Variants in SMG6 observed in about 807,000 individuals in gnomAD.
The protein encoded by SMG6 is telomerase-binding protein EST1A.
A neutral mutation model predicts 142.2 loss-of-function variants in SMG6; 66 were observed. That is an observed-to-expected ratio of 0.46 (90% CI 0.38 to 0.57). The LOEUF is 0.57. Ranked by LOEUF, SMG6 falls within the 20% of genes least tolerant of loss-of-function variation. The pLI, the probability that SMG6 is intolerant of heterozygous loss-of-function variation, is 0.00. For synonymous variants in SMG6, 779 were observed against 702.4 expected, an observed-to-expected ratio of 1.11 and a Z score of -1.72; for missense variants, 1,793 against 1,832.0, an observed-to-expected ratio of 0.98 and a Z score of 0.39.
At chr17:2,154,570 C>T (rs2070944232) in intron 13 of SMG6, among the ~76,000 whole-genome samples, 1 of 152,112 alleles carries the variant, frequency 6.6e-6, no homozygotes, top group South Asian at 2.1e-4. Context: ...CTTTACATGT[C>T]CTGTTTCACT....
chr17:2,253,242 C>T (rs957812262), intron 8 of SMG6, among the ~76,000 whole-genome samples: 47 of 151,964 alleles, frequency 3.1e-4, no homozygotes, highest in African/African-American at 1.1e-3. Flanking sequence ...CCCGGGTTCA[C>T]GCCATTCTCC....
intron 1 of SMG6, 116 bp downstream of exon 1, chr17:2,303,517 G>A (rs966865318): frequency 1.2e-5 from 16 of 1,334,498 alleles, no homozygotes; most frequent in Non-Finnish European, 1.5e-5. Context: ...AGCGCCTACT[G>A]CTGGGGGAAG....
intron 13 of SMG6, among the ~76,000 whole-genome samples, chr17:2,135,602 T>C (rs995063661): frequency 6.6e-6 from 1 of 152,220 alleles, no homozygotes; most frequent in South Asian, 2.1e-4. Flanking sequence ...CAGTACCCAT[T>C]AGTCTCATGT....
chr17:2,292,523 A>T (rs1432154903), intron 6 of SMG6, 29 bp downstream of exon 6: 2 of 1,606,360 alleles, frequency 1.2e-6, no homozygotes, highest in Non-Finnish European at 8.5e-7. Flanking sequence ...CCTGCAAAGC[A>T]CTTTTCCCCT....
intron 13 of SMG6, among the ~76,000 whole-genome samples, chr17:2,090,698 AGCTTGCTACT>A (rs2068692809): frequency 6.6e-6 from 1 of 152,250 alleles, no homozygotes; most frequent in South Asian, 2.1e-4. Flanking sequence ...TTAACAGTCC[AGCTTGCTACT>A]GCTCCTCTGG....
chr17:2,282,501 G>C, intron 8 of SMG6, 146 bp downstream of exon 8: 1 of 708,678 alleles, frequency 1.4e-6, no homozygotes, highest in Non-Finnish European at 2.5e-6. Context: ...AAGCGTACAT[G>C]AGAAGGGAAA....
intron 12 of SMG6, among the ~76,000 whole-genome samples, chr17:2,180,118 G>A (rs942558078): frequency 6.6e-6 from 1 of 152,204 alleles, no homozygotes; most frequent in African/African-American, 2.4e-5. Flanking sequence ...CATGAAGCCT[G>A]TCGCTCTACT....
At chr17:2,153,180 A>G (rs1022932770) in intron 13 of SMG6, among the ~76,000 whole-genome samples, 1 of 152,234 alleles carries the variant, frequency 6.6e-6, no homozygotes, top group Admixed American at 6.5e-5. Context: ...ACTTTTTTTT[A>G]AAGCTTATTA....
At chr17:2,124,322 G>C (rs1597426063) in intron 13 of SMG6, among the ~76,000 whole-genome samples, 2 of 152,360 alleles carry the variant, frequency 1.3e-5, no homozygotes, top group African/African-American at 2.4e-5. Context: ...CAGTAAGGTA[G>C]AGAAATCAGT....
At chr17:2,108,453 C>G (rs946274833) in intron 13 of SMG6, among the ~76,000 whole-genome samples, 1 of 152,138 alleles carries the variant, frequency 6.6e-6, no homozygotes, top group Non-Finnish European at 1.5e-5. Flanking sequence ...CCTGTCTCTA[C>G]TAAAAATACA....
At chr17:2,088,073 T>C in intron 13 of SMG6, 1 of 985,408 alleles carries the variant, frequency 1.0e-6, no homozygotes, top group African/African-American at 1.7e-5. Context: ...AGCTTGCAAT[T>C]GTCCTTGGCC....
intron 13 of SMG6, among the ~76,000 whole-genome samples, chr17:2,166,179 A>T (rs946750710): frequency 1.3e-5 from 2 of 151,996 alleles, no homozygotes; most frequent in Non-Finnish European, 2.9e-5. Flanking sequence ...ACGCCACTGC[A>T]CTCCAGCTTG....
At chr17:2,104,153 A>T (rs542953027) in intron 13 of SMG6, among the ~76,000 whole-genome samples, 2 of 151,868 alleles carry the variant, frequency 1.3e-5, no homozygotes, top group Non-Finnish European at 2.9e-5. Flanking sequence ...GGGTTTCACC[A>T]TGTTAGCCAG....
At chr17:2,180,559 G>T (rs2071774604) in intron 12 of SMG6, among the ~76,000 whole-genome samples, 1 of 152,154 alleles carries the variant, frequency 6.6e-6, no homozygotes, top group Admixed American at 6.5e-5. Context: ...CATCATCCTA[G>T]GTGTTCCACA....
intron 8 of SMG6, among the ~76,000 whole-genome samples, chr17:2,245,715 C>CT (rs2151303914): frequency 6.6e-6 from 1 of 152,304 alleles, no homozygotes; most frequent in East Asian, 1.9e-4. Context: ...GGGTCTCACT[C>CT]TGTCGCCCAG....
intron 8 of SMG6, among the ~76,000 whole-genome samples, chr17:2,277,923 T>A (rs764626106): frequency 6.6e-6 from 1 of 151,976 alleles, no homozygotes; most frequent in African/African-American, 2.4e-5. Flanking sequence ...TGGCGCATGC[T>A]TGCAGTCCCA....
chr17:2,097,999 G>C (rs2068902176), intron 13 of SMG6, among the ~76,000 whole-genome samples: 1 of 151,952 alleles, frequency 6.6e-6, no homozygotes, highest in African/African-American at 2.4e-5. Context: ...CCTTTTCTTG[G>C]GGGGCGGGGG....
At chr17:2,159,832 C>T (rs1294887481) in intron 13 of SMG6, among the ~76,000 whole-genome samples, 1 of 152,134 alleles carries the variant, frequency 6.6e-6, no homozygotes, top group Non-Finnish European at 1.5e-5. Flanking sequence ...TACTACTCAT[C>T]AATAAACGAC....
intron 13 of SMG6, among the ~76,000 whole-genome samples, chr17:2,136,035 TG>T (rs2070291447): frequency 7.0e-6 from 1 of 142,146 alleles, no homozygotes; most frequent in Non-Finnish European, 1.6e-5. Context: ...TGTGTGTGTG[TG>T]TCTGTGTGTG....
Sources: gnomAD v4.1 joint callset for allele counts (sites outside exome capture counted in the v4.1 genomes callset) on GRCh38, gnomAD v4.1.1 for gene constraint, MANE v1.5 for transcripts, NCBI Gene and HGNC (gene_info 2026-07-23, HGNC 2026-07-21) for gene names.